The following DRG1 variants were observed in gnomAD, a reference collection of about 807,000 sequenced individuals.
DRG1 encodes developmentally regulated GTP binding protein 1, also known as developmentally-regulated GTP-binding protein 1.
Under a neutral mutation model 38.8 loss-of-function variants are expected in DRG1, and 19 were observed. The ratio of observed to expected loss-of-function variants is 0.49; its 90% CI spans 0.34 to 0.72. The LOEUF (loss-of-function observed/expected upper bound fraction) is 0.72. DRG1 is among the 30% of genes least tolerant of loss of function. The pLI is 0.01. For synonymous variants in DRG1, 167 were observed against 157.5 expected (o/e 1.06, Z -0.45); for missense variants, 299 against 444.8 (o/e 0.67, Z 2.95).
chr22:31,420,227 C>G, intron 4 of DRG1, 29 bp from the exon 5 acceptor site: 1 of 1,605,754 alleles, frequency 6.2e-7, no homozygotes, highest in African/African-American at 1.3e-5. Flanking sequence ...ATTGAACTTT[C>G]TTGCGTATGT....
At position 31,434,215 on chromosome 22, in the gene DRG1, T is replaced by G; in HGVS notation, c.*244T>G. On this transcript the variant is annotated 3_prime_UTR_variant, in exon 9 of 9. Coordinates refer to ENST00000331457, the MANE Select transcript of DRG1 (RefSeq NM_004147.4). ...CATGTGTCATTGTCAGAATTTGTTT[T>G]GGGATGGGCTGAATGAGGAAGGGTA... 1 of 462,028 alleles carries G rather than the reference T, an allele frequency of 2.2e-6. No individual in the cohort carries two copies. Among genetic ancestry groups the G allele is most frequent in the Admixed American group, 3.5e-5 (1 of 28,720 alleles). 28.6% of individuals were successfully genotyped at this position (462,028 alleles called of 1,614,324 possible).
chr22:31,432,544 G>A (rs920666732), intron 8 of DRG1, among the ~76,000 whole-genome samples: 3 of 151,830 alleles, frequency 2.0e-5, no homozygotes, highest in African/African-American at 7.3e-5. Context: ...TCCTGCCTCA[G>A]CCTCCCAAGT....
chr22:31,412,502 C>A (rs1426706260), intron 4 of DRG1, among the ~76,000 whole-genome samples: 4 of 151,056 alleles, frequency 2.6e-5, no homozygotes, highest in Non-Finnish European at 5.9e-5. Context: ...AGGCGCCCGC[C>A]ACCATGCACG....
chr22:31,423,617 C>G (rs1280965503), intron 6 of DRG1, among the ~76,000 whole-genome samples: 2 of 150,582 alleles, frequency 1.3e-5, no homozygotes, highest in East Asian at 1.9e-4. Flanking sequence ...AGCTCCACCT[C>G]CCAGGTTCAA....
intron 8 of DRG1, among the ~76,000 whole-genome samples, chr22:31,432,902 TAAC>T (rs1474878115): frequency 5.9e-5 from 9 of 151,948 alleles, no homozygotes; most frequent in South Asian, 2.1e-4. Context: ...AATGATAATA[TAAC>T]AACAATATGG....
chr22:31,432,901 A>C (rs777882165), intron 8 of DRG1, among the ~76,000 whole-genome samples: 1 of 151,938 alleles, frequency 6.6e-6, no homozygotes, highest in Admixed American at 6.6e-5. Context: ...CAATGATAAT[A>C]TAACAACAAT....
intron 5 of DRG1, 91 bp from the exon 6 acceptor site, chr22:31,423,189 C>G: frequency 6.6e-7 from 1 of 1,520,386 alleles, no homozygotes; most frequent in South Asian, 1.2e-5. Context: ...TGCATCTTAG[C>G]TAGAATTTTC....
At chr22:31,402,931 G>A (rs764882324) in intron 2 of DRG1, 98 bp from the exon 3 acceptor site, 5 of 1,358,534 alleles carry the variant, frequency 3.7e-6, no homozygotes, top group Non-Finnish European at 5.0e-6. Context: ...GAGAAATAGT[G>A]CCTAGAGGGA....
At chr22:31,429,473 T>TC (rs756403876) in intron 8 of DRG1, among the ~76,000 whole-genome samples, 1 of 152,078 alleles carries the variant, frequency 6.6e-6, no homozygotes, top group East Asian at 1.9e-4. Context: ...TTATTGGACT[T>TC]CTGTGTGTTA....
At chr22:31,400,026 G>T (rs919770674) in intron 1 of DRG1, among the ~76,000 whole-genome samples, 1 of 151,970 alleles carries the variant, frequency 6.6e-6, no homozygotes, top group Admixed American at 6.6e-5. Context: ...TTTGGCTCCT[G>T]TTCTGATGTT....
At chr22:31,407,392 C>T (rs753545492) in intron 3 of DRG1, among the ~76,000 whole-genome samples, 10 of 152,074 alleles carry the variant, frequency 6.6e-5, no homozygotes, top group Admixed American at 2.0e-4. Context: ...TGCAGTGGCA[C>T]GGGTACGATC....
At chr22:31,432,189 A>T (rs1280553984) in intron 8 of DRG1, among the ~76,000 whole-genome samples, 1 of 150,972 alleles carries the variant, frequency 6.6e-6, no homozygotes, top group Non-Finnish European at 1.5e-5. Context: ...CGATCCTCCC[A>T]CCTTAGCCTT....
chr22:31,413,016 T>C (rs1304817050), intron 4 of DRG1, among the ~76,000 whole-genome samples: 2 of 152,126 alleles, frequency 1.3e-5, no homozygotes, highest in African/African-American at 4.8e-5. Context: ...TTTTCTTTGA[T>C]AATTGCCTCT....
At chr22:31,399,765 T>G (rs2049950418) in intron 1 of DRG1, 40 bp downstream of exon 1, 5 of 1,613,788 alleles carry the variant, frequency 3.1e-6, no homozygotes, top group Non-Finnish European at 4.2e-6. Context: ...AGTCTGAGCA[T>G]TCCTTCTTTG....
intron 8 of DRG1, among the ~76,000 whole-genome samples, chr22:31,428,922 A>G (rs2050125205): frequency 6.6e-6 from 1 of 152,162 alleles, no homozygotes; most frequent in Admixed American, 6.6e-5. Flanking sequence ...TCATTACATG[A>G]GATTCATGAT....
At chr22:31,411,855 A>G (rs2050019875) in intron 4 of DRG1, among the ~76,000 whole-genome samples, 1 of 152,050 alleles carries the variant, frequency 6.6e-6, no homozygotes, top group South Asian at 2.1e-4. Flanking sequence ...TATTTATAGA[A>G]TTATAAATTA....
intron 2 of DRG1, among the ~76,000 whole-genome samples, chr22:31,402,402 T>C (rs1471408395): frequency 2.6e-5 from 4 of 151,558 alleles, no homozygotes; most frequent in African/African-American, 4.8e-5. Context: ...ATTTTAGTTA[T>C]AAAAGGGCAG....
rs751481643 is a variant in DRG1 at position 31,433,823 on chromosome 22, G to A, written c.1005-49G>A. ...GGGTGGCATCCAGGCAAATAGGGCAGAAGCTAGGTTATTATTTACACTGAC... is the reference window on the plus strand; with the variant it reads ...GGGTGGCATCCAGGCAAATAGGGCAAAAGCTAGGTTATTATTTACACTGAC... On this transcript the variant is annotated intron_variant, in intron 8 of 8. Transcript: ENST00000331457. 5.1e-6 allele frequency: 8 copies of A among 1,565,362 alleles called. No homozygotes were observed. The South Asian group carries it at 6.7e-5, about 13-fold the overall frequency.
Position 31,434,005 on chromosome 22 carries a change from A to G in DRG1, c.*34A>G. 1 of 1,592,858 alleles carries G rather than the reference A, an allele frequency of 6.3e-7. No individual in the cohort carries two copies. The highest frequency in any genetic ancestry group is 8.6e-7 in the Non-Finnish European group (1 of 1,162,200). The stretch of plus-strand genomic sequence containing the variant: ...CCTTTTCCCATCTGCCGGACGAACC[A>G]CAACAGCGTTCCCCATGATCAAGCA... On this transcript the variant is annotated 3_prime_UTR_variant, in exon 9 of 9. Coordinates refer to ENST00000331457, the MANE Select transcript of DRG1 (RefSeq NM_004147.4).
Sources: gnomAD v4.1 joint callset for allele counts (sites outside exome capture counted in the v4.1 genomes callset) on GRCh38, gnomAD v4.1.1 for gene constraint, MANE v1.5 for transcripts, NCBI Gene and HGNC (gene_info 2026-07-23, HGNC 2026-07-21) for gene names.